The following HS6ST2 variants were observed in gnomAD, a reference collection of about 807,000 sequenced individuals.
The protein encoded by HS6ST2 is heparan sulfate 6-O-sulfotransferase 2.
A neutral mutation model predicts 33.0 loss-of-function variants in HS6ST2; 17 were observed. The observed-to-expected ratio is 0.52, with a 90% CI of 0.35 to 0.77. The LOEUF (loss-of-function observed/expected upper bound fraction) is 0.77. HS6ST2 is among the 30% of genes least tolerant of loss of function. The probability of loss-of-function intolerance (pLI) is 0.01; values close to 1 mark genes in which losing one functional copy is unlikely to be tolerated. For missense variants in HS6ST2, 519 were observed against 551.7 expected (o/e 0.94, Z 0.59); for synonymous variants, 248 against 237.1 (o/e 1.05, Z -0.42).
chrX:132,657,300 C>G (rs1285242343), intron 4 of HS6ST2, among the ~76,000 whole-genome samples: 1 of 111,273 alleles, frequency 9.0e-6, no homozygotes, highest in African/African-American at 3.3e-5. Context: ...GGCCTCCAGA[C>G]TTGGTGTGTG....
At chrX:132,941,086 C>T (rs972813147) in intron 2 of HS6ST2, among the ~76,000 whole-genome samples, 1 of 112,061 alleles carries the variant, frequency 8.9e-6, no homozygotes, top group African/African-American at 3.2e-5. Flanking sequence ...GGGAATATCA[C>T]AATCCTGCCC....
chrX:132,729,063 G>A (rs2064428098), intron 2 of HS6ST2, among the ~76,000 whole-genome samples: 1 of 112,063 alleles, frequency 8.9e-6, no homozygotes, highest in Admixed American at 9.5e-5. Context: ...TCACTGTCAA[G>A]ATGACATGCC....
chrX:132,942,666 C>T (rs1286992913), intron 2 of HS6ST2, among the ~76,000 whole-genome samples: 1 of 112,069 alleles, frequency 8.9e-6, no homozygotes, highest in Non-Finnish European at 1.9e-5. Context: ...TTCACTGGCT[C>T]CTCTGTTCCC....
At chrX:132,807,666 G>A (rs2065298486) in intron 2 of HS6ST2, among the ~76,000 whole-genome samples, 1 of 112,308 alleles carries the variant, frequency 8.9e-6, no homozygotes, top group Non-Finnish European at 1.9e-5. Flanking sequence ...TCAGGAAACA[G>A]CTGATAGATT....
At chrX:132,951,722 C>A (rs1302797246) in intron 2 of HS6ST2, among the ~76,000 whole-genome samples, 1 of 111,519 alleles carries the variant, frequency 9.0e-6, no homozygotes, top group Non-Finnish European at 1.9e-5. Flanking sequence ...TCTAATCTCC[C>A]CACAACTGCT....
chrX:132,881,384 T>C (rs1300638831), intron 2 of HS6ST2, among the ~76,000 whole-genome samples: 3 of 112,141 alleles, frequency 2.7e-5, no homozygotes, highest in African/African-American at 9.7e-5. Flanking sequence ...CCAGTGATGA[T>C]GAGCATTTTT....
intron 4 of HS6ST2, among the ~76,000 whole-genome samples, chrX:132,653,413 G>A (rs1055853448): frequency 5.4e-5 from 6 of 111,495 alleles, no homozygotes; most frequent in Non-Finnish European, 1.1e-4. Context: ...TCATCTTCTC[G>A]GCCCACGACT....
intron 2 of HS6ST2, among the ~76,000 whole-genome samples, chrX:132,835,744 C>T (rs1271003788): frequency 5.4e-5 from 6 of 111,723 alleles, no homozygotes; most frequent in Admixed American, 2.8e-4. Flanking sequence ...GGCGAAACCC[C>T]GTCTCCACTA....
intron 2 of HS6ST2, among the ~76,000 whole-genome samples, chrX:132,716,530 T>C (rs1487350616): frequency 8.9e-6 from 1 of 112,412 alleles, no homozygotes; most frequent in Non-Finnish European, 1.9e-5. Context: ...AGGTACAGGC[T>C]GACTTCTTCA....
At chrX:132,786,537 T>C (rs1287439506) in intron 2 of HS6ST2, among the ~76,000 whole-genome samples, 1 of 111,735 alleles carries the variant, frequency 8.9e-6, no homozygotes. Context: ...ATAGTTCTCC[T>C]CTCTGCGGTT....
At chrX:132,761,516 A>G (rs2064805323) in intron 2 of HS6ST2, among the ~76,000 whole-genome samples, 1 of 112,093 alleles carries the variant, frequency 8.9e-6, no homozygotes, top group African/African-American at 3.2e-5. Flanking sequence ...ATGGATCCCA[A>G]GCCCTGCCAT....
In HS6ST2 at chrX:132,683,792, A is replaced by T. The variant is rs142883805; in HGVS notation, c.981-14593T>A. Among the ~76,000 whole-genome samples the T allele has an allele frequency of 4.2e-3, 471 of 111,256 alleles. 1 individual carries two copies. The highest frequency in any genetic ancestry group is 0.014 in the African/African-American group (423 of 30,627). ...GGAGCACCAGGTCAGAGCAAGTAGC[A>T]TGGGCCAGGAAGAACACAGGTTGGT... On this transcript the variant is annotated intron_variant, in intron 3 of 4. Transcript: ENST00000370833.
rs570970768 is a variant in HS6ST2 at position 132,738,831 on chromosome X, C to T, written c.948-30337G>A. 7.0e-4 allele frequency among the ~76,000 whole-genome samples: 78 copies of T among 111,538 alleles called. 1 individual carries two copies. In the South Asian group the frequency reaches 0.011, roughly 15 times the overall value. ...AGCACATCTTTCAAGGTCTAAGAGA[C>T]GATGTATGAGGTATCATGGGAGGGG... is the stretch of plus-strand genomic sequence containing the variant. On this transcript the variant is annotated intron_variant, in intron 2 of 4. Coordinates refer to ENST00000370833, the MANE Select transcript of HS6ST2 (RefSeq NM_001394073.1).
At chrX:132,807,216 A>G (rs2065292383) in intron 2 of HS6ST2, among the ~76,000 whole-genome samples, 1 of 110,377 alleles carries the variant, frequency 9.1e-6, no homozygotes, top group Non-Finnish European at 1.9e-5. Context: ...CACACTCATT[A>G]ACCTACCCCA....
chrX:132,850,256 T>C (rs750043808), intron 2 of HS6ST2, among the ~76,000 whole-genome samples: 5 of 112,313 alleles, frequency 4.5e-5, no homozygotes, highest in Non-Finnish European at 9.4e-5. Context: ...TATTATTATG[T>C]AAATAATGAC....
intron 2 of HS6ST2, among the ~76,000 whole-genome samples, chrX:132,923,231 G>C (rs2066674071): frequency 9.0e-6 from 1 of 111,194 alleles, no homozygotes; most frequent in East Asian, 2.8e-4. Context: ...CAAGAGAACA[G>C]ATTGTAAATG....
chrX:132,961,328 G>A (rs1012979060), upstream of HS6ST2: 1 of 110,893 alleles, frequency 9.0e-6, no homozygotes, highest in Non-Finnish European at 1.9e-5. Flanking sequence ...TATTTTCCCA[G>A]AACCGTCCTT....
chrX:132,865,224 G>A lies in HS6ST2; in HGVS notation c.947+91584C>T, dbSNP rs199840554. ...TTCCCACCTATGAGTGAGAATATGC[G>A]GTGTTTGGTTTTCTGTTTTTGCGGT... On this transcript the variant is annotated intron_variant, in intron 2 of 4. Coordinates refer to ENST00000370833, the MANE Select transcript of HS6ST2 (RefSeq NM_001394073.1). 1.9e-4 allele frequency among the ~76,000 whole-genome samples: 20 copies of A among 105,249 alleles called. No individual in the cohort carries two copies. The East Asian group carries it at 4.6e-3, about 24-fold the overall frequency. The allele number at this position is 105,249 out of a possible 115,157, so 91.4% of individuals were successfully genotyped here. A position where few individuals can be genotyped will look rare whatever the true frequency, so the allele number is the denominator to read the frequency against.
chrX:132,674,674 T>G (rs1472062283), intron 3 of HS6ST2, among the ~76,000 whole-genome samples: 2 of 112,416 alleles, frequency 1.8e-5, no homozygotes, highest in Non-Finnish European at 3.8e-5. Flanking sequence ...GTTTCTAAAT[T>G]ATATTATTTT....
Sources: allele counts gnomAD v4.1 joint callset (sites outside exome capture counted in the v4.1 genomes callset), GRCh38; gene constraint gnomAD v4.1.1; transcripts MANE v1.5; gene names NCBI Gene and HGNC (gene_info 2026-07-23, HGNC 2026-07-21).